DOCK10: variants seen among roughly 807,000 people sequenced by gnomAD.
DOCK10 encodes the protein dedicator of cytokinesis protein 10.
A neutral mutation model predicts 280.1 loss-of-function variants in DOCK10; 145 were observed. The ratio of observed to expected loss-of-function variants is 0.52; its 90% confidence interval spans 0.45 to 0.59. The LOEUF (loss-of-function observed/expected upper bound fraction) is 0.59. Among genes scored for constraint, DOCK10 ranks in the 20% least tolerant of loss-of-function variants. DOCK10 has a pLI of 0.00. For synonymous variants in DOCK10, 915 were observed against 942.2 expected, an observed-to-expected ratio of 0.97 and a Z score of 0.53; for missense variants, 2,368 against 2,651.7, an observed-to-expected ratio of 0.89 and a Z score of 2.35.
intron 3 of DOCK10, among the ~76,000 whole-genome samples, chr2:224,900,755 G>T (rs1559705059): frequency 6.6e-6 from 1 of 152,216 alleles, no homozygotes; most frequent in Non-Finnish European, 1.5e-5. Flanking sequence ...CATAGTGTAA[G>T]CCCTCAATAA....
chr2:224,778,515 C>T, intron 50 of DOCK10: 1 of 558,422 alleles, frequency 1.8e-6, no homozygotes, highest in Non-Finnish European at 3.2e-6. Flanking sequence ...CAAAGAAACT[C>T]ATGAAATATC....
At chr2:224,938,831 A>G (rs1702847090) in intron 1 of DOCK10, among the ~76,000 whole-genome samples, 2 of 152,222 alleles carry the variant, frequency 1.3e-5, no homozygotes, top group African/African-American at 4.8e-5. Context: ...TTAGCCTTTC[A>G]TCAGAGGGAG....
At chr2:224,973,684 C>G (rs1413868958) in intron 1 of DOCK10, among the ~76,000 whole-genome samples, 1 of 152,094 alleles carries the variant, frequency 6.6e-6, no homozygotes, top group Non-Finnish European at 1.5e-5. Flanking sequence ...TTGTTTAAAA[C>G]TAAGTTCGTG....
At chr2:224,788,984 T>C in intron 48 of DOCK10, 80 bp downstream of exon 48, 3 of 812,798 alleles carry the variant, frequency 3.7e-6, no homozygotes, top group Non-Finnish European at 6.0e-6. Context: ...GTAAGCTTGT[T>C]TCCCCCTTAT....
At chr2:224,959,761 G>C (rs761935290) in intron 1 of DOCK10, among the ~76,000 whole-genome samples, 1 of 152,154 alleles carries the variant, frequency 6.6e-6, no homozygotes, top group Non-Finnish European at 1.5e-5. Flanking sequence ...CTTTCGCCTT[G>C]AATACAGCTG....
chr2:224,859,738 C>T (rs911663821), intron 14 of DOCK10, among the ~76,000 whole-genome samples: 4 of 152,168 alleles, frequency 2.6e-5, no homozygotes, highest in Non-Finnish European at 5.9e-5. Flanking sequence ...AAACAAACTG[C>T]AATCTAGAAA....
chr2:224,891,093 G>A (rs1037947161), intron 4 of DOCK10, among the ~76,000 whole-genome samples: 1 of 152,120 alleles, frequency 6.6e-6, no homozygotes, highest in Admixed American at 6.5e-5. Flanking sequence ...ATGGATGGAT[G>A]GATGGATGGG....
At chr2:224,836,589 T>C (rs756785422) in intron 25 of DOCK10, among the ~76,000 whole-genome samples, 6 of 152,006 alleles carry the variant, frequency 3.9e-5, no homozygotes, top group Non-Finnish European at 7.4e-5. Context: ...CTTCCTTTTA[T>C]GGGAGTGTGG....
At chr2:224,859,276 T>C (rs1345542258) in intron 14 of DOCK10, among the ~76,000 whole-genome samples, 1 of 152,188 alleles carries the variant, frequency 6.6e-6, no homozygotes, top group Non-Finnish European at 1.5e-5. Flanking sequence ...AATTCAGTGT[T>C]GAGTGCTGGT....
At chr2:224,848,285 C>T (rs936897841) in intron 19 of DOCK10, among the ~76,000 whole-genome samples, 2 of 152,192 alleles carry the variant, frequency 1.3e-5, no homozygotes, top group Non-Finnish European at 2.9e-5. Context: ...CCATAGAAAA[C>T]GTCTACAAAA....
At chr2:225,019,431 G>C (rs537361118) in intron 1 of DOCK10, among the ~76,000 whole-genome samples, 5 of 143,718 alleles carry the variant, frequency 3.5e-5, no homozygotes, top group South Asian at 2.3e-4. Context: ...AAGCTCAAGA[G>C]AGTGTGGTTT....
At chr2:224,778,324 C>T (rs998425780) in intron 50 of DOCK10, 40 bp from the exon 51 acceptor site, 1 of 1,559,426 alleles carries the variant, frequency 6.4e-7, no homozygotes, top group African/African-American at 1.4e-5. Flanking sequence ...TTAGACAATG[C>T]TAATCATAAA....
chr2:224,819,257 C>T (rs913797210), intron 29 of DOCK10, among the ~76,000 whole-genome samples, 189 bp downstream of exon 29: 2 of 152,224 alleles, frequency 1.3e-5, no homozygotes, highest in Non-Finnish European at 2.9e-5. Flanking sequence ...TTCCACTCTC[C>T]TTTGTCCCCA....
rs556418927 is a variant in DOCK10 at position 224,790,314 on chromosome 2, A to C, written c.5312-1144T>G. Among the ~76,000 whole-genome samples, 4 of 152,140 alleles carry C rather than the reference A, an allele frequency of 2.6e-5. No individual in the cohort carries two copies. The South Asian group carries it at 6.2e-4, about 24-fold the overall frequency. ...TGCACTTTGGCTCCAACACAAGCTA[A>C]CCATGACATTTGGGGCAGATTGTTT... On this transcript the variant is annotated intron_variant, in intron 47 of 55. Transcript: ENST00000258390.
At chr2:224,977,809 G>A (rs932284793) in intron 1 of DOCK10, among the ~76,000 whole-genome samples, 21 of 152,080 alleles carry the variant, frequency 1.4e-4, no homozygotes, top group African/African-American at 4.8e-4. Flanking sequence ...GGACTATATA[G>A]GCTAGACTAC....
intron 1 of DOCK10, among the ~76,000 whole-genome samples, chr2:224,993,693 C>T (rs1231269645): frequency 1.3e-5 from 2 of 152,180 alleles, no homozygotes; most frequent in African/African-American, 4.8e-5. Flanking sequence ...CTGTAGAAGG[C>T]ATCCCCCTCC....
intron 1 of DOCK10, among the ~76,000 whole-genome samples, chr2:224,945,125 A>G (rs752912305): frequency 1.3e-5 from 2 of 152,376 alleles, no homozygotes; most frequent in Non-Finnish European, 2.9e-5. Flanking sequence ...TAGTGGACAC[A>G]AGAAATAACT....
In DOCK10 at chr2:224,804,202, G is replaced by A; in HGVS notation, c.4178C>T (p.Ala1393Val). The A allele has an allele frequency of 1.2e-5, 19 of 1,608,092 alleles. No individual in the cohort carries two copies. The highest frequency in any genetic ancestry group is 1.6e-5 in the Non-Finnish European group (19 of 1,176,528). ...GKRNIIRKIA[A>V]AFKFVQSTQN... ...GGTGGACTGCACAAATTTAAATGCAGCAGCAATTTTTCTGCAATGAAAATG... is the reference window on the plus strand; with the variant it reads ...GGTGGACTGCACAAATTTAAATGCAACAGCAATTTTTCTGCAATGAAAATG... Residue 1393 changes from alanine to valine, a missense_variant, in exon 39 of 56, where the codon GCT (alanine) becomes GTT (valine). This residue lies in a region of DOCK10 where 1,159 missense variants were observed against 1,400.8 expected (regional missense o/e 0.83). Transcript: ENST00000258390.
intron 1 of DOCK10, among the ~76,000 whole-genome samples, chr2:224,958,934 C>A (rs979170372): frequency 2.6e-5 from 4 of 152,206 alleles, no homozygotes; most frequent in Admixed American, 2.0e-4. Context: ...AGTACACTGA[C>A]AAAGAGACAT....
Sources: allele counts gnomAD v4.1 joint callset (sites outside exome capture counted in the v4.1 genomes callset), GRCh38; gene constraint gnomAD v4.1.1; regional missense constraint gnomAD v4.1.1; transcripts MANE v1.5; gene names NCBI Gene and HGNC (gene_info 2026-07-23, HGNC 2026-07-21).